Variants in CIBAR1 observed in about 807,000 individuals in gnomAD.
CIBAR1 encodes CBY1 interacting BAR domain containing 1, also known as CBY1-interacting BAR domain-containing protein 1.
In CIBAR1, 25 loss-of-function variants were observed where a neutral mutation model predicts 44.0. The ratio of observed to expected loss-of-function variants is 0.57; its 90% CI spans 0.41 to 0.79. The LOEUF is 0.79. CIBAR1 is among the 30% of genes least tolerant of loss of function. The pLI, the probability that CIBAR1 is intolerant of heterozygous loss-of-function variation, is 0.00. For synonymous variants in CIBAR1, 115 were observed against 119.0 expected (o/e 0.97, Z 0.22); for missense variants, 278 against 344.8 (o/e 0.81, Z 1.53).
In CIBAR1 at chr8:93,729,552, C is replaced by G. The variant is rs1469349382; in HGVS notation, c.*1255C>G. 6.6e-6 allele frequency: 1 copy of G among 152,088 alleles called. No homozygotes were observed. The highest frequency in any genetic ancestry group is 2.4e-5 in the African/African-American group (1 of 41,422). 9.4% of individuals were successfully genotyped at this position (152,088 alleles called of 1,614,324 possible). A position where few individuals can be genotyped will look rare whatever the true frequency, so the allele number is the denominator to read the frequency against. ...GTTAAAACTGCGTAAAACAGTAATT[C>G]TGGAATAAAACATACATTCTGCCTA... On this transcript the variant is annotated 3_prime_UTR_variant, in exon 9 of 9. Transcript: ENST00000518322.
At position 93,717,552 on chromosome 8, in the gene CIBAR1, A is replaced by T. The variant is rs538310787; in HGVS notation, c.544-1123A>T. ...ACTGAGTAGCAATCAGAGCCTCTTAATGCTCCCTTAAGTGTTTTTCCAATC... is the reference window on the plus strand; with the variant it reads ...ACTGAGTAGCAATCAGAGCCTCTTATTGCTCCCTTAAGTGTTTTTCCAATC... On this transcript the variant is annotated intron_variant, in intron 6 of 8. Transcript: ENST00000518322. Among the ~76,000 whole-genome samples, 31 of 152,208 alleles carry T rather than the reference A, an allele frequency of 2.0e-4. No homozygotes were observed. In the South Asian group the frequency reaches 6.4e-3, roughly 32 times the overall value.
intron 5 of CIBAR1, 82 bp downstream of exon 5, chr8:93,708,098 AAAG>A (rs1256057093): frequency 4.6e-6 from 5 of 1,076,458 alleles, no homozygotes; most frequent in Non-Finnish European, 6.5e-6. Flanking sequence ...TTTTCTTGAA[AAAG>A]AAAGCAAAAG....
chr8:93,711,985 A>G (rs1464310578), intron 6 of CIBAR1, among the ~76,000 whole-genome samples: 1 of 152,186 alleles, frequency 6.6e-6, no homozygotes, highest in Non-Finnish European at 1.5e-5. Context: ...AGAAGAAAAG[A>G]GCTTCTGAGC....
At chr8:93,711,760 A>G (rs1201453858) in intron 6 of CIBAR1, among the ~76,000 whole-genome samples, 1 of 151,988 alleles carries the variant, frequency 6.6e-6, no homozygotes, top group Non-Finnish European at 1.5e-5. Context: ...AGACCTGCAA[A>G]TTTTTCATTT....
chr8:93,714,856 C>T (rs1810980021), intron 6 of CIBAR1, among the ~76,000 whole-genome samples: 1 of 152,128 alleles, frequency 6.6e-6, no homozygotes, highest in African/African-American at 2.4e-5. Flanking sequence ...ATAAACATTT[C>T]TGTGAGATAA....
At chr8:93,717,393 C>T (rs912658111) in intron 6 of CIBAR1, among the ~76,000 whole-genome samples, 7 of 152,104 alleles carry the variant, frequency 4.6e-5, no homozygotes, top group East Asian at 1.9e-4. Context: ...AGCATAATGC[C>T]GTTTATCCAT....
intron 7 of CIBAR1, chr8:93,724,611 A>G: frequency 8.0e-7 from 1 of 1,254,690 alleles, no homozygotes; most frequent in Non-Finnish European, 1.0e-6. Flanking sequence ...AAATTTAGGG[A>G]GAATGCCCAG....
rs1810455696 is a variant in CIBAR1 at position 93,703,537 on chromosome 8, T to G, written c.262-83T>G. 3 of 780,826 alleles carry G rather than the reference T, an allele frequency of 3.8e-6. No homozygotes were observed. In the South Asian group the frequency reaches 6.1e-5, roughly 16 times the overall value. 48.4% of individuals were successfully genotyped at this position (780,826 alleles called of 1,614,324 possible). On this transcript the variant is annotated intron_variant, in intron 2 of 8. Coordinates refer to ENST00000518322, the MANE Select transcript of CIBAR1 (RefSeq NM_145269.5). ...GTGTTTTGAGTTTAGATTCTGAGTCTTATCAATTTCTAGTGATTAGCCTTT... is the reference window on the plus strand; with the variant it reads ...GTGTTTTGAGTTTAGATTCTGAGTCGTATCAATTTCTAGTGATTAGCCTTT...
At chr8:93,712,452 G>A (rs946923642) in intron 6 of CIBAR1, among the ~76,000 whole-genome samples, 11 of 152,134 alleles carry the variant, frequency 7.2e-5, no homozygotes, top group African/African-American at 2.7e-4. Context: ...TCATTTCATG[G>A]ACATTTCGGT....
intron 5 of CIBAR1, 129 bp from the exon 6 acceptor site, chr8:93,709,642 A>G (rs1225772086): frequency 1.4e-6 from 1 of 721,940 alleles, no homozygotes; most frequent in Non-Finnish European, 2.5e-6. Flanking sequence ...ATGGTAAAAT[A>G]TAATATTAAC....
Position 93,709,896 on chromosome 8 carries a change from G to T in CIBAR1, c.543+21G>T, listed in dbSNP as rs532537380. 5.2e-6 allele frequency: 8 copies of T among 1,535,002 alleles called. No individual in the cohort carries two copies. The African/African-American group carries it at 9.6e-5, about 18-fold the overall frequency. Reference sequence around the variant, plus strand: ...TAAAGGTAATAAAGTAACTGTTAGGGTTCAAAACATGTTTTTAACCTTTTT... The same window carrying T: ...TAAAGGTAATAAAGTAACTGTTAGGTTTCAAAACATGTTTTTAACCTTTTT... On this transcript the variant is annotated intron_variant, in intron 6 of 8. Transcript: ENST00000518322.
rs1010829532 is a variant in CIBAR1, at chr8:93,731,435, A to T, written c.*3138A>T. ...ATTGTGCTTGGTTTGGATATTCCAA[A>T]CAATCAATTTAACATTATCCTAGCT... On this transcript the variant is annotated 3_prime_UTR_variant, in exon 9 of 9. Transcript: ENST00000518322. 5 of 152,196 alleles carry T rather than the reference A, an allele frequency of 3.3e-5. No homozygotes were observed. The highest frequency in any genetic ancestry group is 7.3e-5 in the Non-Finnish European group (5 of 68,040). 9.4% of individuals were successfully genotyped at this position (152,196 alleles called of 1,614,324 possible). A position where few individuals can be genotyped will look rare whatever the true frequency, so the allele number is the denominator to read the frequency against.
intron 6 of CIBAR1, chr8:93,715,874 C>T (rs1047024928): frequency 6.6e-6 from 1 of 152,124 alleles, no homozygotes; most frequent in East Asian, 1.9e-4. Flanking sequence ...AAACAGCAGC[C>T]TTTGTGCTGG....
intron 1 of CIBAR1, 198 bp from the exon 2 acceptor site, chr8:93,701,025 CT>C: frequency 1.4e-6 from 2 of 1,431,722 alleles, no homozygotes; most frequent in Non-Finnish European, 9.1e-7. Flanking sequence ...CGGCCTGGGC[CT>C]TTTCCTGTGC....
rs923729910 is a variant in CIBAR1 at position 93,728,996 on chromosome 8, GATC to G, written c.*702_*704del. ...TGTTGCCTCATCATAGAACACCATA[GATC>G]ATTAAAAATTCTATAAAAATTTTAC... is the stretch of plus-strand genomic sequence containing the variant. On this transcript the variant is annotated 3_prime_UTR_variant, in exon 9 of 9. Transcript: ENST00000518322. 2 of 151,996 alleles carry G rather than the reference GATC, an allele frequency of 1.3e-5. No individual in the cohort carries two copies. The highest frequency in any genetic ancestry group is 4.8e-5 in the African/African-American group (2 of 41,402). 9.4% of individuals were successfully genotyped at this position (151,996 alleles called of 1,614,324 possible).
chr8:93,726,197 T>C (rs1811488684), intron 7 of CIBAR1, 197 bp from the exon 8 acceptor site: 1 of 486,078 alleles, frequency 2.1e-6, no homozygotes, highest in Non-Finnish European at 3.7e-6. Flanking sequence ...TCATCTTACA[T>C]AGTTCAAATA....
rs375316096 is a variant in CIBAR1 at position 93,704,750 on chromosome 8, T to A, written c.331-159T>A. Among the ~76,000 whole-genome samples, 81 of 152,336 alleles carry A rather than the reference T, an allele frequency of 5.3e-4. No homozygotes were observed. The East Asian group carries it at 7.5e-3, about 14-fold the overall frequency. On this transcript the variant is annotated intron_variant, in intron 3 of 8. Coordinates refer to ENST00000518322, the MANE Select transcript of CIBAR1 (RefSeq NM_145269.5). ...AACACATTCTCACATACATAGACAC[T>A]AATTATGTAATACTTGTAATTCCTG...
rs1378660776 is a variant in CIBAR1, at chr8:93,700,637, C to A, written c.-11C>A. On this transcript the variant is annotated 5_prime_UTR_variant, in exon 1 of 9. Coordinates refer to ENST00000518322, the MANE Select transcript of CIBAR1 (RefSeq NM_145269.5). The stretch of plus-strand genomic sequence containing the variant: ...GGCCCCCGCAAGGTCCCCGGCCGTG[C>A]GCGAGGCAGCATGATGAGGCGCACC... 6.7e-7 allele frequency: 1 copy of A among 1,499,254 alleles called. No homozygotes were observed. Among genetic ancestry groups the A allele is most frequent in the Admixed American group, 2.3e-5 (1 of 43,740 alleles). 92.9% of individuals were successfully genotyped at this position (1,499,254 alleles called of 1,614,324 possible).
intron 6 of CIBAR1, among the ~76,000 whole-genome samples, chr8:93,716,501 T>C (rs1384043505): frequency 6.6e-6 from 1 of 152,158 alleles, no homozygotes; most frequent in East Asian, 1.9e-4. Context: ...TATTTTTCCT[T>C]AACCTATATT....
Sources: allele counts gnomAD v4.1 joint callset (sites outside exome capture counted in the v4.1 genomes callset), GRCh38; gene constraint gnomAD v4.1.1; transcripts MANE v1.5; gene names NCBI Gene and HGNC (gene_info 2026-07-23, HGNC 2026-07-21).